The following TBXAS1 variants were observed in gnomAD, a reference collection of about 807,000 sequenced individuals.
The protein encoded by TBXAS1 is thromboxane-A synthase.
Under a neutral mutation model 60.7 loss-of-function variants are expected in TBXAS1, and 48 were observed. The observed-to-expected ratio is 0.79, with a 90% CI of 0.63 to 1.01. The LOEUF is 1.01. Ranked by LOEUF, TBXAS1 falls within the 50% of genes least tolerant of loss-of-function variation. TBXAS1 has a pLI of 0.00. For missense variants in TBXAS1, 685 were observed against 686.3 expected, an observed-to-expected ratio of 1.00 and a Z score of 0.02; for synonymous variants, 287 against 269.7, an observed-to-expected ratio of 1.06 and a Z score of -0.63.
intron 9 of TBXAS1, among the ~76,000 whole-genome samples, chr7:139,990,684 C>T (rs1394935242): frequency 6.6e-6 from 1 of 151,622 alleles, no homozygotes; most frequent in African/African-American, 2.4e-5. Context: ...ACCCTCCCCA[C>T]CCCCGGCACT....
rs974135789 is a variant in TBXAS1, at chr7:139,975,376, C to T, written c.1134+13143C>T. Among the ~76,000 whole-genome samples the T allele has an allele frequency of 1.4e-4, 21 of 152,232 alleles. No individual in the cohort carries two copies. The highest frequency in any genetic ancestry group is 4.3e-4 in the African/African-American group (18 of 41,530). On this transcript the variant is annotated intron_variant, in intron 9 of 12. Coordinates refer to ENST00000448866, the MANE Select transcript of TBXAS1 (RefSeq NM_001061.7). This position sits in a 1 kb window ranked among gnomAD's most constrained non-coding sequence, Gnocchi z 4.4. ...AGGTCGGATTGGCACTCACGTTTCC[C>T]GACTCCTTAGTCTGTATTCTTTTCA...
chr7:139,998,642 T>C (rs770355181), intron 9 of TBXAS1, among the ~76,000 whole-genome samples: 17 of 152,198 alleles, frequency 1.1e-4, no homozygotes, highest in East Asian at 5.8e-4. Flanking sequence ...TAAAAATCCA[T>C]TGGTGAGCAA....
At chr7:139,796,265 T>G (rs1342838725) in intron 4 of TBXAS1, among the ~76,000 whole-genome samples, 2 of 152,204 alleles carry the variant, frequency 1.3e-5, no homozygotes, top group East Asian at 3.8e-4. Context: ...AAGGAATGAA[T>G]AAACCAACTA....
chr7:140,015,401 C>T (rs533229692), intron 10 of TBXAS1, among the ~76,000 whole-genome samples: 7 of 152,168 alleles, frequency 4.6e-5, no homozygotes, highest in Non-Finnish European at 1.0e-4. Flanking sequence ...AAGCAGTTTG[C>T]ACCCCGACAT....
At chr7:139,968,148 A>T (rs1418745848) in intron 9 of TBXAS1, among the ~76,000 whole-genome samples, 1 of 152,194 alleles carries the variant, frequency 6.6e-6, no homozygotes, top group African/African-American at 2.4e-5. Context: ...GGTCTCCCTC[A>T]CTATCGGGGA....
rs575364601 is a variant in TBXAS1 at position 139,940,115 on chromosome 7, G to T, written c.450+3808G>T. 2.8e-3 allele frequency among the ~76,000 whole-genome samples: 431 copies of T among 152,262 alleles called. 3 individuals carry two copies. Among genetic ancestry groups the T allele is most frequent in the Non-Finnish European group, 4.2e-3 (289 of 68,014 alleles). On this transcript the variant is annotated intron_variant, in intron 5 of 12. Coordinates refer to ENST00000448866, the MANE Select transcript of TBXAS1 (RefSeq NM_001061.7). The stretch of plus-strand genomic sequence containing the variant: ...ACTGTACGTTAGCAAGCTTTATTAG[G>T]AGAGGAAAGAGTTTTCCTAATTCCA...
chr7:139,809,571 G>A (rs763430717), intron 4 of TBXAS1, among the ~76,000 whole-genome samples: 5 of 152,134 alleles, frequency 3.3e-5, no homozygotes, highest in African/African-American at 4.8e-5. Flanking sequence ...TAAAGGCCTC[G>A]GAACCTCAGA....
intron 3 of TBXAS1, among the ~76,000 whole-genome samples, chr7:139,784,307 T>C (rs1479576537): frequency 6.6e-6 from 1 of 152,014 alleles, no homozygotes; most frequent in African/African-American, 2.4e-5. Context: ...ATTCATCAAA[T>C]GTTCAGCTAC....
chr7:140,002,039 G>T (rs140369411), intron 9 of TBXAS1, among the ~76,000 whole-genome samples: 2 of 152,186 alleles, frequency 1.3e-5, no homozygotes, highest in African/African-American at 4.8e-5. Context: ...GGACATGTCC[G>T]TGCATTTTAA....
intron 3 of TBXAS1, among the ~76,000 whole-genome samples, chr7:139,783,795 G>A (rs1340357905): frequency 6.6e-6 from 1 of 152,178 alleles, no homozygotes; most frequent in African/African-American, 2.4e-5. Context: ...CCCTGGAGGG[G>A]CTTGACTGTC....
chr7:139,824,376 G>A (rs964863584), upstream of TBXAS1, among the ~76,000 whole-genome samples: 1 of 152,132 alleles, frequency 6.6e-6, no homozygotes, highest in Non-Finnish European at 1.5e-5. Flanking sequence ...CACATCTTTG[G>A]GCCCAGCTGT....
upstream of TBXAS1, among the ~76,000 whole-genome samples, chr7:139,826,937 A>G (rs1390260538): frequency 6.6e-6 from 1 of 152,156 alleles, no homozygotes; most frequent in East Asian, 1.9e-4. Flanking sequence ...GTTTCAATGA[A>G]TGGCACCTGA....
intron 4 of TBXAS1, among the ~76,000 whole-genome samples, chr7:139,822,959 G>A (rs1041838339): frequency 3.3e-5 from 5 of 151,916 alleles, no homozygotes; most frequent in Non-Finnish European, 5.9e-5. Context: ...GGCTTTCCCT[G>A]ACCCTAGCAT....
In TBXAS1 at chr7:139,932,254, C is replaced by T. The variant is rs563318178; in HGVS notation, c.334-3937C>T. On this transcript the variant is annotated intron_variant, in intron 4 of 12. Transcript: ENST00000448866. The stretch of plus-strand genomic sequence containing the variant: ...TTTTTTAAATCAATGTGTAGGCAAA[C>T]TAATAGAAAAAAGAGTGTCTGGAGT... 2.7e-5 allele frequency among the ~76,000 whole-genome samples: 4 copies of T among 149,254 alleles called. No individual in the cohort carries two copies. In the East Asian group the frequency reaches 6.0e-4, roughly 22 times the overall value.
At chr7:139,939,241 G>A (rs903056916) in intron 5 of TBXAS1, among the ~76,000 whole-genome samples, 1 of 151,942 alleles carries the variant, frequency 6.6e-6, no homozygotes, top group Non-Finnish European at 1.5e-5. Flanking sequence ...GCAGGCACCT[G>A]TAACCCCAGC....
Position 140,004,975 on chromosome 7 carries a change from C to G in TBXAS1, c.1135-2116C>G, listed in dbSNP as rs1813956287. 6.6e-6 allele frequency among the ~76,000 whole-genome samples: 1 copy of G among 152,188 alleles called. No individual in the cohort carries two copies. Among genetic ancestry groups the G allele is most frequent in the Non-Finnish European group, 1.5e-5 (1 of 68,042 alleles). On this transcript the variant is annotated intron_variant, in intron 9 of 12. Transcript: ENST00000448866. The surrounding 1 kb of genome is among the most constrained non-coding windows in gnomAD (Gnocchi z 5.1). ...CACCCTATCCTGGCCCTCTCTGTGCCTGTACCCAGGACCCTGTGAAGTGTG... is the reference window on the plus strand; with the variant it reads ...CACCCTATCCTGGCCCTCTCTGTGCGTGTACCCAGGACCCTGTGAAGTGTG...
intron 3 of TBXAS1, among the ~76,000 whole-genome samples, chr7:139,902,104 C>A (rs1804625765): frequency 6.6e-6 from 1 of 151,574 alleles, no homozygotes; most frequent in South Asian, 2.1e-4. Context: ...CAGTGCTTAT[C>A]ATATTTTTTC....
intron 4 of TBXAS1, chr7:139,913,257 T>G: frequency 1.5e-6 from 1 of 652,676 alleles, no homozygotes; most frequent in Non-Finnish European, 2.8e-6. Flanking sequence ...CAAAGTCCCC[T>G]GGAAGCCGTC....
intron 11 of TBXAS1, 65 bp from the exon 12 acceptor site, chr7:140,017,606 A>G: frequency 6.3e-7 from 1 of 1,597,028 alleles, no homozygotes; most frequent in Non-Finnish European, 8.5e-7. Context: ...GCTCAGCTGG[A>G]GCACAGGGCT....
Sources: gnomAD v4.1 joint callset for allele counts (sites outside exome capture counted in the v4.1 genomes callset) on GRCh38, gnomAD v4.1.1 for gene constraint, Gnocchi (gnomAD v3.1) non-coding constraint, MANE v1.5 for transcripts, NCBI Gene and HGNC (gene_info 2026-07-23, HGNC 2026-07-21) for gene names.